Variants in DLGAP2 observed in about 807,000 individuals in gnomAD.
The protein encoded by DLGAP2 is DLG associated protein 2, also known as disks large-associated protein 2.
DLGAP2 carries 26 observed loss-of-function variants against 100.3 expected under a neutral mutation model. That is an observed-to-expected ratio of 0.26 (90% confidence interval 0.19 to 0.36). The LOEUF (loss-of-function observed/expected upper bound fraction) is 0.36, where lower values mean the gene tolerates loss of function less well. Among genes scored for constraint, DLGAP2 ranks in the 10% least tolerant of loss-of-function variants. DLGAP2 has a pLI of 1.00. For synonymous variants in DLGAP2, 886 were observed against 630.1 expected, an observed-to-expected ratio of 1.41 and a Z score of -6.08; for missense variants, 1,858 against 1,453.2, an observed-to-expected ratio of 1.28 and a Z score of -4.53.
chr8:1,327,767 C>G (rs990767748), intron 3 of DLGAP2, among the ~76,000 whole-genome samples: 1 of 152,108 alleles, frequency 6.6e-6, no homozygotes. Flanking sequence ...TGGCTTGAAC[C>G]CAGGAGGGGG....
chr8:1,433,261 C>G (rs1165163003), intron 3 of DLGAP2, among the ~76,000 whole-genome samples: 2 of 152,178 alleles, frequency 1.3e-5, no homozygotes, highest in African/African-American at 4.8e-5. Flanking sequence ...GGCAACAGAA[C>G]CCATCCAGCT....
chr8:1,565,282 T>C (rs1224042495), intron 5 of DLGAP2, among the ~76,000 whole-genome samples: 1 of 143,752 alleles, frequency 7.0e-6, no homozygotes, highest in Non-Finnish European at 1.5e-5. Flanking sequence ...TACAATAAGA[T>C]AGGCATTTTC....
At chr8:1,648,083 G>A (rs764095826) in intron 8 of DLGAP2, among the ~76,000 whole-genome samples, 14 of 152,186 alleles carry the variant, frequency 9.2e-5, no homozygotes, top group Non-Finnish European at 1.5e-4. Context: ...TAACCCGTGC[G>A]TGTACCGTGC....
intron 4 of DLGAP2, among the ~76,000 whole-genome samples, chr8:1,508,591 T>C (rs1289294722): frequency 2.7e-5 from 3 of 109,712 alleles, no homozygotes; most frequent in Non-Finnish European, 6.0e-5. Flanking sequence ...AAACAGCAAT[T>C]GCTGGTGTTT....
intron 4 of DLGAP2, among the ~76,000 whole-genome samples, chr8:1,525,981 G>A (rs1800778463): frequency 6.6e-6 from 1 of 151,946 alleles, no homozygotes; most frequent in African/African-American, 2.4e-5. Flanking sequence ...TTTTGGAATG[G>A]GGGACATTTG....
At position 1,207,808 on chromosome 8, in the gene DLGAP2, T is replaced by G. The variant is rs184571425; in HGVS notation, c.74-51043T>G. ...TGTGGTTTTTTTATTTGCACGTCCT[T>G]GATAATTAATGATGTTGAGCATTTT... On this transcript the variant is annotated intron_variant, in intron 2 of 14. Transcript: ENST00000637795. 2.6e-5 allele frequency among the ~76,000 whole-genome samples: 4 copies of G among 152,328 alleles called. No individual in the cohort carries two copies. In the East Asian group the frequency reaches 7.7e-4, roughly 29 times the overall value.
At chr8:1,552,257 G>A (rs547618591) in intron 5 of DLGAP2, among the ~76,000 whole-genome samples, 1 of 152,370 alleles carries the variant, frequency 6.6e-6, no homozygotes, top group South Asian at 2.1e-4. Flanking sequence ...GACGTCTGCA[G>A]GGAGCAGCCA....
chr8:1,378,279 C>T (rs546870031), intron 3 of DLGAP2, among the ~76,000 whole-genome samples: 12 of 151,234 alleles, frequency 7.9e-5, no homozygotes, highest in Admixed American at 1.3e-4. Flanking sequence ...CCTGTCTGTC[C>T]TGCACACACC....
At chr8:1,351,941 G>A (rs1801739223) in intron 3 of DLGAP2, among the ~76,000 whole-genome samples, 1 of 84,452 alleles carries the variant, frequency 1.2e-5, no homozygotes, top group Non-Finnish European at 2.5e-5. Context: ...ACTGTGTGTG[G>A]AAAGGCCGTG....
chr8:1,548,286 C>G (rs1462169730), intron 4 of DLGAP2, among the ~76,000 whole-genome samples: 3 of 151,656 alleles, frequency 2.0e-5, no homozygotes, highest in African/African-American at 7.3e-5. Flanking sequence ...ATGGCGAAAC[C>G]TCGTCTCTAC....
At chr8:961,199 G>C (rs535096335) in intron 2 of DLGAP2, among the ~76,000 whole-genome samples, 2 of 152,312 alleles carry the variant, frequency 1.3e-5, no homozygotes, top group African/African-American at 4.8e-5. Context: ...GAAAGCTGGG[G>C]CCATACAATA....
At chr8:1,555,016 C>T (rs1801911718) in intron 5 of DLGAP2, among the ~76,000 whole-genome samples, 2 of 152,188 alleles carry the variant, frequency 1.3e-5, no homozygotes, top group Non-Finnish European at 2.9e-5. Context: ...GGCTGTGCTC[C>T]ACTCTAATGC....
chr8:1,076,111 C>A (rs1360984304), intron 2 of DLGAP2, among the ~76,000 whole-genome samples: 1 of 152,130 alleles, frequency 6.6e-6, no homozygotes. Context: ...AGAAAATCCA[C>A]AAGTGATTTA....
intron 12 of DLGAP2, among the ~76,000 whole-genome samples, chr8:1,685,019 G>T (rs1198965828): frequency 6.6e-6 from 1 of 152,104 alleles, no homozygotes; most frequent in African/African-American, 2.4e-5. Context: ...GAGGAACATA[G>T]GGATTTGCTC....
chr8:1,376,372 G>GA (rs1362496583), intron 3 of DLGAP2, among the ~76,000 whole-genome samples: 1 of 152,252 alleles, frequency 6.6e-6, no homozygotes, highest in Non-Finnish European at 1.5e-5. Context: ...CGGCCACGGG[G>GA]GCCTGCAGAG....
At chr8:910,247 G>A (rs1211490626) in intron 2 of DLGAP2, 3 of 152,050 alleles carry the variant, frequency 2.0e-5, no homozygotes, top group East Asian at 3.9e-4. Flanking sequence ...TTTCTCGTTT[G>A]GTTTTTACTT....
chr8:1,639,207 A>C (rs1797839820), intron 8 of DLGAP2, among the ~76,000 whole-genome samples: 1 of 152,086 alleles, frequency 6.6e-6, no homozygotes, highest in Non-Finnish European at 1.5e-5. Context: ...AGGAGGGTAT[A>C]GAAAGAGAAG....
At chr8:1,459,104 C>T (rs112303733) in intron 3 of DLGAP2, among the ~76,000 whole-genome samples, 5,462 of 56,434 alleles carry the variant, frequency 0.097, 89 homozygotes, top group East Asian at 0.39. Context: ...ACAGGAGTGA[C>T]AGCCAGCTGG....
At chr8:962,943 C>G (rs1183274680) in intron 2 of DLGAP2, among the ~76,000 whole-genome samples, 2 of 152,188 alleles carry the variant, frequency 1.3e-5, no homozygotes, top group Admixed American at 1.3e-4. Context: ...CAGCCCATTC[C>G]CATGGTCAGG....
Sources: gnomAD v4.1 joint callset for allele counts (sites outside exome capture counted in the v4.1 genomes callset) on GRCh38, gnomAD v4.1.1 for gene constraint, MANE v1.5 for transcripts, NCBI Gene and HGNC (gene_info 2026-07-23, HGNC 2026-07-21) for gene names.